Variants in PRXL2A observed in about 807,000 individuals in gnomAD.
PRXL2A encodes the protein peroxiredoxin like 2A, also known as peroxiredoxin-like 2A.
A neutral mutation model predicts 25.6 loss-of-function variants in PRXL2A; 26 were observed. That is an observed-to-expected ratio of 1.02 (90% CI 0.74 to 1.41). PRXL2A has a LOEUF of 1.41. Ranked by LOEUF, PRXL2A falls within the 40% of genes most tolerant of loss-of-function variation. The pLI is 0.00. For synonymous variants in PRXL2A, 98 were observed against 102.9 expected (o/e 0.95, Z 0.29); for missense variants, 246 against 273.9 (o/e 0.90, Z 0.72).
rs544198274 is a variant in PRXL2A, at chr10:80,408,956, C to T, written c.-3+313C>T. ...GGCCCCCTCTGTCCACGCCCGCAAG[C>T]CTTGAGTGACGCCGGTGGCGCCAAC... On this transcript the variant is annotated intron_variant, in intron 1 of 5. Coordinates refer to ENST00000606162, the MANE Select transcript of PRXL2A (RefSeq NM_032333.5). 1.5e-5 allele frequency: 13 copies of T among 889,794 alleles called. No homozygotes were observed. The East Asian group carries it at 1.6e-3, about 107-fold the overall frequency. The allele number at this position is 889,794 out of a possible 1,614,324, so 55.1% of individuals were successfully genotyped here. A position where few individuals can be genotyped will look rare whatever the true frequency, so the allele number is the denominator to read the frequency against.
At chr10:80,413,922 A>G in intron 1 of PRXL2A, 3 of 1,174,964 alleles carry the variant, frequency 2.6e-6, no homozygotes, top group Non-Finnish European at 3.3e-6. Flanking sequence ...GTTGGGGGTA[A>G]GAGACCGTTT....
intron 1 of PRXL2A, chr10:80,409,169 C>T: frequency 4.4e-6 from 3 of 679,976 alleles, no homozygotes; most frequent in South Asian, 1.3e-4. Flanking sequence ...TCGGAGGCAC[C>T]TGTTCCCCCT....
intron 3 of PRXL2A, among the ~76,000 whole-genome samples, chr10:80,423,643 A>G (rs773000586): frequency 2.6e-5 from 4 of 152,188 alleles, no homozygotes; most frequent in Non-Finnish European, 4.4e-5. Flanking sequence ...CTGCTATCTC[A>G]GTGGGTCCTC....
chr10:80,428,237 A>G (rs190653105), intron 5 of PRXL2A, among the ~76,000 whole-genome samples: 75 of 152,320 alleles, frequency 4.9e-4, no homozygotes, highest in Admixed American at 1.4e-3. Flanking sequence ...TGGGGTCTCT[A>G]TAGGCCCAAG....
intron 3 of PRXL2A, among the ~76,000 whole-genome samples, chr10:80,423,988 G>A (rs1844948458): frequency 6.6e-6 from 1 of 151,966 alleles, no homozygotes; most frequent in Non-Finnish European, 1.5e-5. Flanking sequence ...AGCAATGGCT[G>A]GCAAGTCAGC....
intron 1 of PRXL2A, among the ~76,000 whole-genome samples, chr10:80,418,866 A>G (rs1328045033): frequency 1.3e-5 from 2 of 152,216 alleles, no homozygotes; most frequent in African/African-American, 4.8e-5. Flanking sequence ...AGCCAGGAAC[A>G]AGGCTGAATT....
chr10:80,431,291 C>CTT (rs36042493), intron 5 of PRXL2A, among the ~76,000 whole-genome samples: 26 of 136,842 alleles, frequency 1.9e-4, no homozygotes, highest in Admixed American at 1.2e-3. Flanking sequence ...TGTGGTGGGC[C>CTT]TTTTTTTTTT....
chr10:80,421,882 CAG>C (rs1844877329), intron 2 of PRXL2A, among the ~76,000 whole-genome samples: 1 of 152,146 alleles, frequency 6.6e-6, no homozygotes, highest in African/African-American at 2.4e-5. Context: ...ATAACTTGCC[CAG>C]AGTTACACAG....
At chr10:80,429,598 CCCTGCCCTGCCCTGCCCCTAGCCTCT>C (rs1413663857) in intron 5 of PRXL2A, among the ~76,000 whole-genome samples, 4 of 135,536 alleles carry the variant, frequency 3.0e-5, no homozygotes, top group Admixed American at 7.4e-5. Context: ...TCCTGCCCTG[CCCTGCCCTGCCCTGCCCCTAGCCTCT>C]CCTGCCCTGC....
At chr10:80,410,201 C>T (rs1037057858) in intron 1 of PRXL2A, among the ~76,000 whole-genome samples, 2 of 152,240 alleles carry the variant, frequency 1.3e-5, no homozygotes, top group African/African-American at 4.8e-5. Context: ...GCAGAAGCTC[C>T]AAGTCTCTCT....
chr10:80,412,650 C>T (rs185605134), intron 1 of PRXL2A, among the ~76,000 whole-genome samples: 2 of 152,266 alleles, frequency 1.3e-5, no homozygotes, highest in Admixed American at 6.5e-5. Context: ...AGTCAGTTGT[C>T]AGGGCTTTCA....
chr10:80,422,071 G>A (rs1354126708), intron 2 of PRXL2A, among the ~76,000 whole-genome samples: 2 of 152,146 alleles, frequency 1.3e-5, no homozygotes, highest in Non-Finnish European at 2.9e-5. Context: ...TTTCTGTTCT[G>A]AAGGATTATT....
At chr10:80,416,677 C>A (rs574152262) in intron 1 of PRXL2A, among the ~76,000 whole-genome samples, 10 of 152,314 alleles carry the variant, frequency 6.6e-5, no homozygotes, top group Non-Finnish European at 1.3e-4. Context: ...CCAGACCGCC[C>A]TCGTGACTTT....
intron 1 of PRXL2A, among the ~76,000 whole-genome samples, chr10:80,419,121 G>A (rs898429259): frequency 4.6e-5 from 7 of 151,770 alleles, no homozygotes; most frequent in African/African-American, 1.7e-4. Context: ...AAATAGCTGG[G>A]ATTATAGGCA....
rs1346834869 is a variant in PRXL2A, at chr10:80,435,992, C to T, written c.*3893C>T. The stretch of plus-strand genomic sequence containing the variant: ...AATTCAAAGAACGTAAGAAAATGTC[C>T]TTGCTGTAAAGCTGGTGGTTCTCAA... On this transcript the variant is annotated 3_prime_UTR_variant, in exon 6 of 6. Transcript: ENST00000606162. 6.6e-6 allele frequency: 1 copy of T among 151,944 alleles called. No individual in the cohort carries two copies. The highest frequency in any genetic ancestry group is 6.6e-5 in the Admixed American group (1 of 15,254). The allele number at this position is 151,944 out of a possible 1,614,324, so 9.4% of individuals were successfully genotyped here. A position where few individuals can be genotyped will look rare whatever the true frequency, so the allele number is the denominator to read the frequency against.
chr10:80,436,802 G>C lies in PRXL2A; in HGVS notation c.*4703G>C, dbSNP rs1845414148. The C allele has an allele frequency of 6.6e-6, 1 of 152,276 alleles. No individual in the cohort carries two copies. The highest frequency in any genetic ancestry group is 2.4e-5 in the African/African-American group (1 of 41,550). The allele number at this position is 152,276 out of a possible 1,614,324, so 9.4% of individuals were successfully genotyped here. ...TCCCCTTTCTGTGTAAAAACTGGTT[G>C]GAAAGAAATGATCTGACCTACCGTG... On this transcript the variant is annotated 3_prime_UTR_variant, in exon 6 of 6. Coordinates refer to ENST00000606162, the MANE Select transcript of PRXL2A (RefSeq NM_032333.5).
chr10:80,421,157 T>C (rs550488336), intron 2 of PRXL2A, among the ~76,000 whole-genome samples: 1 of 152,324 alleles, frequency 6.6e-6, no homozygotes, highest in South Asian at 2.1e-4. Flanking sequence ...GGTGTCTGGA[T>C]TGCTGCTGAT....
chr10:80,414,399 A>G (rs558099966), intron 1 of PRXL2A, among the ~76,000 whole-genome samples: 202 of 152,272 alleles, frequency 1.3e-3, no homozygotes, highest in Non-Finnish European at 5.6e-4. Flanking sequence ...GGGGGGATAG[A>G]AAGGGGGAGG....
intron 3 of PRXL2A, among the ~76,000 whole-genome samples, chr10:80,423,321 T>C (rs1844929788): frequency 6.6e-6 from 1 of 152,214 alleles, no homozygotes; most frequent in African/African-American, 2.4e-5. Context: ...ACCAGAGTGG[T>C]TAGTGGTCTG....
Sources: gnomAD v4.1 joint callset for allele counts (sites outside exome capture counted in the v4.1 genomes callset) on GRCh38, gnomAD v4.1.1 for gene constraint, MANE v1.5 for transcripts, NCBI Gene and HGNC (gene_info 2026-07-23, HGNC 2026-07-21) for gene names.